The following JAZF1 variants were observed in gnomAD, a reference collection of about 807,000 sequenced individuals.
The protein encoded by JAZF1 is juxtaposed with another zinc finger protein 1.
JAZF1 carries 8 observed loss-of-function variants against 26.4 expected under a neutral mutation model. The observed-to-expected ratio is 0.30, with a 90% CI of 0.18 to 0.55. JAZF1 has a LOEUF of 0.55. Ranked by LOEUF, JAZF1 falls within the 20% of genes least tolerant of loss-of-function variation. The probability of loss-of-function intolerance (pLI) is 0.94; values close to 1 mark genes in which losing one functional copy is unlikely to be tolerated. For synonymous variants in JAZF1, 126 were observed against 122.3 expected (o/e 1.03, Z -0.20); for missense variants, 199 against 322.0 (o/e 0.62, Z 2.92).
intron 1 of JAZF1, among the ~76,000 whole-genome samples, chr7:28,015,688 C>G (rs985030417): frequency 1.3e-5 from 2 of 152,104 alleles, no homozygotes; most frequent in African/African-American, 4.8e-5. Flanking sequence ...TTTGTCTTTT[C>G]TCCGGAAAAG....
At chr7:28,141,609 A>G (rs528225426) in intron 1 of JAZF1, among the ~76,000 whole-genome samples, 5 of 152,210 alleles carry the variant, frequency 3.3e-5, no homozygotes, top group Admixed American at 6.5e-5. Flanking sequence ...GACTAAACTA[A>G]AAAAGAAAAA....
At chr7:28,125,412 T>C (rs183016935) in intron 1 of JAZF1, among the ~76,000 whole-genome samples, 1 of 152,286 alleles carries the variant, frequency 6.6e-6, no homozygotes, top group East Asian at 1.9e-4. Context: ...AATTGTGAAG[T>C]TAAATGAAAG....
intron 1 of JAZF1, among the ~76,000 whole-genome samples, chr7:28,011,459 T>A (rs575088680): frequency 6.6e-6 from 1 of 152,314 alleles, no homozygotes; most frequent in East Asian, 1.9e-4. Context: ...ACGCAAGGAC[T>A]TCTGAACATG....
intron 1 of JAZF1, among the ~76,000 whole-genome samples, chr7:28,066,602 CAAAAAAAAAAAAA>C (rs911062551): frequency 3.5e-4 from 11 of 31,768 alleles, no homozygotes; most frequent in East Asian, 9.0e-4. Flanking sequence ...GACTCCATCT[CAAAAAAAAAAAAA>C]AAAAAAAAAA....
chr7:28,000,614 CTTTCTTTCTTT>C (rs1562554856), intron 1 of JAZF1, among the ~76,000 whole-genome samples: 2 of 132,980 alleles, frequency 1.5e-5, no homozygotes, highest in Non-Finnish European at 1.6e-5. Flanking sequence ...TTCTTTCTTT[CTTTCTTTCTTT>C]TTTTTTTTTT....
intron 3 of JAZF1, among the ~76,000 whole-genome samples, chr7:27,886,224 CTG>C (rs1192058525): frequency 6.6e-6 from 1 of 152,196 alleles, no homozygotes; most frequent in Non-Finnish European, 1.5e-5. Context: ...GATGAGGAAA[CTG>C]AGGCTTGAGA....
chr7:27,918,606 ACAGT>A lies in JAZF1; in HGVS notation c.189-23194_189-23191del, dbSNP rs550077659. Among the ~76,000 whole-genome samples, 196 of 152,354 alleles carry A rather than the reference ACAGT, an allele frequency of 1.3e-3. 1 individual carries two copies. The highest frequency in any genetic ancestry group is 4.1e-3 in the African/African-American group (170 of 41,580). ...CAACTTTTCCATGTGTTATTTGCACACAGTCAGGCAGTTATTGAGCACATATTGC... is the reference window on the plus strand; with the variant it reads ...CAACTTTTCCATGTGTTATTTGCACACAGGCAGTTATTGAGCACATATTGC... On this transcript the variant is annotated intron_variant, in intron 2 of 4. Coordinates refer to ENST00000283928, the MANE Select transcript of JAZF1 (RefSeq NM_175061.4).
chr7:27,909,895 G>A (rs1784332044), intron 2 of JAZF1, among the ~76,000 whole-genome samples: 1 of 152,120 alleles, frequency 6.6e-6, no homozygotes, highest in Non-Finnish European at 1.5e-5. Flanking sequence ...AAAAATGGAA[G>A]AAAGGAAAGA....
At chr7:28,004,078 T>C (rs1275921232) in intron 1 of JAZF1, among the ~76,000 whole-genome samples, 1 of 152,306 alleles carries the variant, frequency 6.6e-6, no homozygotes, top group South Asian at 2.1e-4. Flanking sequence ...ATGTGACTTA[T>C]ATTGATCTAA....
chr7:28,101,725 T>C (rs912071255), intron 1 of JAZF1, among the ~76,000 whole-genome samples: 1 of 151,974 alleles, frequency 6.6e-6, no homozygotes. Context: ...GTCTGGGTGA[T>C]AGAGCAAAAC....
At chr7:28,089,531 G>C (rs1237363932) in intron 1 of JAZF1, among the ~76,000 whole-genome samples, 3 of 152,216 alleles carry the variant, frequency 2.0e-5, no homozygotes, top group Non-Finnish European at 4.4e-5. Flanking sequence ...TTAACGCGTA[G>C]AGAGGCTGGA....
rs796935099 is a variant in JAZF1 at position 28,111,886 on chromosome 7, T to C, written c.115+68577A>G. ...ATCATTTCCCAGGTACAACCATATT[T>C]CTGCAAGCATCAGAGTTCAAGGAAG... On this transcript the variant is annotated intron_variant, in intron 1 of 4. Transcript: ENST00000283928. Among the ~76,000 whole-genome samples, 45 of 152,328 alleles carry C rather than the reference T, an allele frequency of 3.0e-4. 1 individual carries two copies. The highest frequency in any genetic ancestry group is 1.1e-3 in the African/African-American group (45 of 41,572).
intron 2 of JAZF1, among the ~76,000 whole-genome samples, chr7:27,955,722 TA>T (rs1211739116): frequency 6.6e-6 from 1 of 152,232 alleles, no homozygotes; most frequent in Non-Finnish European, 1.5e-5. Context: ...GGCAAGTTTT[TA>T]CACAATAATG....
At chr7:28,001,901 A>G (rs374924922) in intron 1 of JAZF1, among the ~76,000 whole-genome samples, 2 of 152,348 alleles carry the variant, frequency 1.3e-5, no homozygotes, top group South Asian at 4.1e-4. Context: ...TATAGATCTG[A>G]GTATTTCATT....
chr7:27,905,435 C>CT lies in JAZF1; in HGVS notation c.189-10020dup, dbSNP rs55972060. 2.5e-4 allele frequency among the ~76,000 whole-genome samples: 36 copies of CT among 144,586 alleles called. No homozygotes were observed. In the East Asian group the frequency reaches 3.8e-3, roughly 15 times the overall value. The allele number at this position is 144,586 out of a possible 152,430, so 94.9% of individuals were successfully genotyped here. On this transcript the variant is annotated intron_variant, in intron 2 of 4. Coordinates refer to ENST00000283928, the MANE Select transcript of JAZF1 (RefSeq NM_175061.4). ...CTTCTAGATGTTCATTTCTTTCTTT[C>CT]TTTTTTTTTTTTGTGGGGGAGAGGG...
rs538054911 is a variant in JAZF1, at chr7:27,871,232, A to G, written c.385+23988T>C. Among the ~76,000 whole-genome samples the G allele has an allele frequency of 1.6e-4, 24 of 152,328 alleles. No homozygotes were observed. The South Asian group carries it at 1.9e-3, about 12-fold the overall frequency. ...TACAAATGGCTCATTTTTCAAATCA[A>G]TCTTGATCTAGAGACATACAGGTCA... On this transcript the variant is annotated intron_variant, in intron 3 of 4. Transcript: ENST00000283928.
At position 28,151,771 on chromosome 7, in the gene JAZF1, A is replaced by T. The variant is rs1562604689; in HGVS notation, c.115+28692T>A. ...ATGCCATTGCACTCCAGCCTGGACA[A>T]AAAGAGTGAAATTCCATCTCAAAAA... On this transcript the variant is annotated intron_variant, in intron 1 of 4. Coordinates refer to ENST00000283928, the MANE Select transcript of JAZF1 (RefSeq NM_175061.4). Among the ~76,000 whole-genome samples, 5 of 152,072 alleles carry T rather than the reference A, an allele frequency of 3.3e-5. No individual in the cohort carries two copies. The South Asian group carries it at 1.0e-3, about 32-fold the overall frequency.
At chr7:27,865,784 C>G (rs927495987) in intron 3 of JAZF1, among the ~76,000 whole-genome samples, 1 of 152,158 alleles carries the variant, frequency 6.6e-6, no homozygotes, top group East Asian at 1.9e-4. Flanking sequence ...TAGAAGGGAG[C>G]TGACAGCCAC....
intron 3 of JAZF1, among the ~76,000 whole-genome samples, chr7:27,853,972 T>C (rs1783197095): frequency 6.6e-6 from 1 of 152,210 alleles, no homozygotes; most frequent in Non-Finnish European, 1.5e-5. Flanking sequence ...CAGTGGAGTG[T>C]TAAAGTCTCC....
Sources: gnomAD v4.1 joint callset for allele counts (sites outside exome capture counted in the v4.1 genomes callset) on GRCh38, gnomAD v4.1.1 for gene constraint, MANE v1.5 for transcripts, NCBI Gene and HGNC (gene_info 2026-07-23, HGNC 2026-07-21) for gene names.